Variants in HERC3 observed in about 807,000 individuals in gnomAD.
The protein encoded by HERC3 is HECT and RLD domain containing E3 ubiquitin protein ligase 3, also known as probable E3 ubiquitin-protein ligase HERC3.
A neutral mutation model predicts 129.9 loss-of-function variants in HERC3; 58 were observed. That is an observed-to-expected ratio of 0.45 (90% CI 0.36 to 0.56). The LOEUF (loss-of-function observed/expected upper bound fraction) is 0.56. Ranked by LOEUF, HERC3 falls within the 20% of genes least tolerant of loss-of-function variation. The pLI is 0.00. For synonymous variants in HERC3, 430 were observed against 451.0 expected (o/e 0.95, Z 0.59); for missense variants, 835 against 1,244.2 (o/e 0.67, Z 4.95).
chr4:88,677,446 C>T (rs952731524), intron 18 of HERC3, among the ~76,000 whole-genome samples: 3 of 152,116 alleles, frequency 2.0e-5, no homozygotes, highest in East Asian at 1.9e-4. Flanking sequence ...ATCTTTCCCT[C>T]TCCATCTCTC....
chr4:88,708,304 T>A lies in HERC3; in HGVS notation c.*1344T>A, dbSNP rs969031655. The A allele has an allele frequency of 2.0e-5, 3 of 152,614 alleles. No homozygotes were observed. Among genetic ancestry groups the A allele is most frequent in the Non-Finnish European group, 4.4e-5 (3 of 68,042 alleles). 9.5% of individuals were successfully genotyped at this position (152,614 alleles called of 1,614,324 possible). ...CCTAGTAACTAGAGAAAAGACTTAT[T>A]TATATAAAATGAAGTATTTATGAAC... On this transcript the variant is annotated 3_prime_UTR_variant, in exon 26 of 26. Coordinates refer to ENST00000402738, the MANE Select transcript of HERC3 (RefSeq NM_014606.3).
the HERC3 span, among the ~76,000 whole-genome samples, chr4:88,539,250 G>T: frequency 6.6e-6 from 1 of 152,164 alleles, no homozygotes; most frequent in African/African-American, 2.4e-5. Context: ...CTTAGCAACC[G>T]GCAGACCAGG....
chr4:88,661,874 G>T (rs1560733444), intron 10 of HERC3, among the ~76,000 whole-genome samples: 1 of 152,114 alleles, frequency 6.6e-6, no homozygotes, highest in Non-Finnish European at 1.5e-5. Flanking sequence ...TTGAAGTTTG[G>T]TGGACATTTA....
chr4:88,635,354 A>T (rs1183081150), intron 3 of HERC3, among the ~76,000 whole-genome samples: 1 of 152,074 alleles, frequency 6.6e-6, no homozygotes, highest in Non-Finnish European at 1.5e-5. Flanking sequence ...TTCGTGAAGC[A>T]TACACAAGTA....
intron 23 of HERC3, chr4:88,697,892 C>T (rs916129275): frequency 8.3e-7 from 1 of 1,204,498 alleles, no homozygotes; most frequent in South Asian, 1.6e-5. Flanking sequence ...GGCCCCGCCT[C>T]CTGCTTTCGC....
the HERC3 span, among the ~76,000 whole-genome samples, chr4:88,555,971 G>T: frequency 0.075 from 11,490 of 152,214 alleles, 614 homozygotes; most frequent in East Asian, 0.27. Context: ...GGTCTCCAAT[G>T]GATAATTGGG....
At chr4:88,647,850 A>T in intron 3 of HERC3, among the ~76,000 whole-genome samples, 1 of 150,982 alleles carries the variant, frequency 6.6e-6, no homozygotes, top group South Asian at 2.1e-4. Flanking sequence ...TCTCTAAATA[A>T]CATGCTTATA....
At chr4:88,666,463 A>G (rs571004921) in intron 12 of HERC3, among the ~76,000 whole-genome samples, 1 of 152,306 alleles carries the variant, frequency 6.6e-6, no homozygotes, top group East Asian at 1.9e-4. Flanking sequence ...ACAACAACGA[A>G]AGACCCAAAA....
At chr4:88,589,117 G>A (rs1721600037), upstream of HERC3, among the ~76,000 whole-genome samples, 1 of 152,050 alleles carries the variant, frequency 6.6e-6, no homozygotes, top group African/African-American at 2.4e-5. Flanking sequence ...TGTATTTGGA[G>A]TCTCCTCTGT....
the HERC3 span, among the ~76,000 whole-genome samples, chr4:88,565,003 G>T: frequency 6.6e-6 from 1 of 151,890 alleles, no homozygotes; most frequent in Non-Finnish European, 1.5e-5. Context: ...TCATTCAGGA[G>T]CATATTGTTT....
At chr4:88,672,362 G>T (rs912639776) in intron 16 of HERC3, among the ~76,000 whole-genome samples, 3 of 151,962 alleles carry the variant, frequency 2.0e-5, no homozygotes, top group Non-Finnish European at 2.9e-5. Context: ...AACTATAATA[G>T]TTATTAAAGA....
chr4:88,638,335 A>C (rs551879280), intron 3 of HERC3, among the ~76,000 whole-genome samples: 2 of 152,232 alleles, frequency 1.3e-5, no homozygotes, highest in African/African-American at 4.8e-5. Flanking sequence ...TCAGTGTGAA[A>C]ATCCTCAATA....
chr4:88,701,263 C>T (rs182991574), intron 23 of HERC3, among the ~76,000 whole-genome samples: 1 of 152,218 alleles, frequency 6.6e-6, no homozygotes, highest in Admixed American at 6.5e-5. Flanking sequence ...AAAGATTGCA[C>T]AGTTATACCA....
chr4:88,635,737 G>A (rs1044490832), intron 3 of HERC3, among the ~76,000 whole-genome samples: 3 of 151,958 alleles, frequency 2.0e-5, no homozygotes, highest in African/African-American at 2.4e-5. Flanking sequence ...AAATATTAAG[G>A]GCAGCCAGCG....
At chr4:88,568,710 A>G in the HERC3 span, among the ~76,000 whole-genome samples, 7 of 151,834 alleles carry the variant, frequency 4.6e-5, no homozygotes, top group Non-Finnish European at 1.0e-4. Flanking sequence ...CTTTCCTTCA[A>G]GTCAGTGGGT....
At chr4:88,614,875 T>C (rs550348788) in intron 3 of HERC3, among the ~76,000 whole-genome samples, 1 of 152,292 alleles carries the variant, frequency 6.6e-6, no homozygotes, top group South Asian at 2.1e-4. Flanking sequence ...ATATAAGATA[T>C]ACCCAAAAAG....
intron 23 of HERC3, among the ~76,000 whole-genome samples, chr4:88,692,750 A>G (rs1050630834): frequency 3.9e-5 from 6 of 152,194 alleles, no homozygotes; most frequent in African/African-American, 1.4e-4. Flanking sequence ...CTCTTGTTCA[A>G]CGTTACACAG....
rs535198466 is a variant in HERC3 at position 88,667,129 on chromosome 4, G to A, written c.1332-248G>A. 3.7e-4 allele frequency among the ~76,000 whole-genome samples: 57 copies of A among 152,262 alleles called. No homozygotes were observed. In the East Asian group the frequency reaches 9.5e-3, roughly 25 times the overall value. ...TTGTACTTTGACTTGAAGGAAAACA[G>A]ATTTAAAAATTTGAAAATTCTTGTA... On this transcript the variant is annotated intron_variant, in intron 12 of 25. Transcript: ENST00000402738.
chr4:88,617,236 C>T (rs1389715829), intron 3 of HERC3, among the ~76,000 whole-genome samples: 1 of 137,324 alleles, frequency 7.3e-6, no homozygotes, highest in Non-Finnish European at 1.6e-5. Context: ...CAAGTCACAA[C>T]AGCATCTCAG....
Sources: allele counts gnomAD v4.1 joint callset (sites outside exome capture counted in the v4.1 genomes callset), GRCh38; gene constraint gnomAD v4.1.1; transcripts MANE v1.5; gene names NCBI Gene and HGNC (gene_info 2026-07-23, HGNC 2026-07-21).